Variants in GLCCI1 observed in about 807,000 individuals in gnomAD.
GLCCI1 encodes the protein glucocorticoid-induced transcript 1 protein.
GLCCI1 carries 24 observed loss-of-function variants against 52.2 expected under a neutral mutation model. The observed-to-expected ratio is 0.46, with a 90% CI of 0.33 to 0.65. The LOEUF (loss-of-function observed/expected upper bound fraction) is 0.65. Ranked by LOEUF, GLCCI1 falls within the 30% of genes least tolerant of loss-of-function variation. The pLI is 0.02. For synonymous variants in GLCCI1, 310 were observed against 276.5 expected, an observed-to-expected ratio of 1.12 and a Z score of -1.20; for missense variants, 704 against 701.5, an observed-to-expected ratio of 1.00 and a Z score of -0.04.
chr7:8,070,036 G>C (rs897404080), intron 5 of GLCCI1: 3 of 152,212 alleles, frequency 2.0e-5, no homozygotes, highest in Non-Finnish European at 4.4e-5. Flanking sequence ...TATGGAGTAA[G>C]ATCTATTTTT....
At chr7:7,971,147 T>A (rs1780346177) in intron 1 of GLCCI1, among the ~76,000 whole-genome samples, 1 of 152,144 alleles carries the variant, frequency 6.6e-6, no homozygotes, top group Non-Finnish European at 1.5e-5. Flanking sequence ...AAGAAATACA[T>A]CCTGTAATCT....
At chr7:8,005,321 A>T (rs1781126911) in intron 2 of GLCCI1, among the ~76,000 whole-genome samples, 2 of 152,220 alleles carry the variant, frequency 1.3e-5, no homozygotes, top group Admixed American at 6.5e-5. Context: ...AAGAAGGTCA[A>T]GTGATGGAGG....
At chr7:8,039,354 A>G (rs1006875089) in intron 3 of GLCCI1, among the ~76,000 whole-genome samples, 2 of 152,316 alleles carry the variant, frequency 1.3e-5, no homozygotes, top group South Asian at 2.1e-4. Flanking sequence ...CACGGTAGCA[A>G]AGATAAGGAA....
intron 3 of GLCCI1, among the ~76,000 whole-genome samples, chr7:8,040,590 G>T (rs979809068): frequency 6.6e-6 from 1 of 151,086 alleles, no homozygotes; most frequent in African/African-American, 2.4e-5. Context: ...CGGATTAATT[G>T]CAAGCATTGG....
rs1304489143 is a variant in GLCCI1 at position 7,969,662 on chromosome 7, C to G, written c.312C>G (p.Pro104=). 14 of 1,055,816 alleles carry G rather than the reference C, an allele frequency of 1.3e-5. No individual in the cohort carries two copies. The African/African-American group carries it at 1.9e-4, about 14-fold the overall frequency. 65.4% of individuals were successfully genotyped at this position (1,055,816 alleles called of 1,614,324 possible). A position where few individuals can be genotyped will look rare whatever the true frequency, so the allele number is the denominator to read the frequency against. The change falls in exon 1 of 8, where the codon CCC becomes CCG. Residue 104 remains proline, a synonymous_variant. Transcript: ENST00000223145. The surrounding 1 kb of genome is among the most constrained non-coding windows in gnomAD (Gnocchi z 4.9). ...CGGGGCCCGGCGCGGCCCGCGGCCC[C>G]AGCCCGTCCAGCCCGACGCCGCCGG... ...SLPGPGAARG[P]SPSSPTPPAA... is the part of the protein sequence containing the mutation.
chr7:7,979,606 A>G (rs1343946873), intron 1 of GLCCI1, among the ~76,000 whole-genome samples: 1 of 152,150 alleles, frequency 6.6e-6, no homozygotes, highest in Non-Finnish European at 1.5e-5. Context: ...ATATTATACT[A>G]TAGTTTAGCC....
At position 8,014,141 on chromosome 7, in the gene GLCCI1, C is replaced by T. The variant is rs202166330; in HGVS notation, c.610-8342C>T. On this transcript the variant is annotated intron_variant, in intron 2 of 7. Transcript: ENST00000223145. ...AGTAGCTGGAATTACAGGCGCCCGC[C>T]ACCATGCCCAGCTAATTTTTTAATT... Among the ~76,000 whole-genome samples the T allele has an allele frequency of 2.0e-5, 3 of 152,132 alleles. No individual in the cohort carries two copies. The East Asian group carries it at 5.8e-4, about 29-fold the overall frequency.
intron 1 of GLCCI1, among the ~76,000 whole-genome samples, chr7:7,973,516 G>A (rs1757252882): frequency 6.6e-6 from 1 of 151,564 alleles, no homozygotes; most frequent in Non-Finnish European, 1.5e-5. Flanking sequence ...GAATACTCTG[G>A]ATGGAGAATA....
rs575866293 is a variant in GLCCI1, at chr7:8,014,138, C to T, written c.610-8345C>T. Among the ~76,000 whole-genome samples the T allele has an allele frequency of 6.0e-4, 92 of 152,142 alleles. 1 individual carries two copies. The highest frequency in any genetic ancestry group is 2.0e-3 in the African/African-American group (81 of 41,536). On this transcript the variant is annotated intron_variant, in intron 2 of 7. Transcript: ENST00000223145. The stretch of plus-strand genomic sequence containing the variant: ...CCGAGTAGCTGGAATTACAGGCGCC[C>T]GCCACCATGCCCAGCTAATTTTTTA...
chr7:8,056,520 C>T (rs1201287561), intron 4 of GLCCI1, among the ~76,000 whole-genome samples: 1 of 151,928 alleles, frequency 6.6e-6, no homozygotes, highest in African/African-American at 2.4e-5. Context: ...TTTTATTTTC[C>T]CCTAGAAGTA....
At chr7:8,001,380 G>A (rs1205023125) in intron 1 of GLCCI1, among the ~76,000 whole-genome samples, 1 of 152,030 alleles carries the variant, frequency 6.6e-6, no homozygotes, top group Non-Finnish European at 1.5e-5. Context: ...ACTCTCTTCT[G>A]GCTGCAAATC....
At chr7:7,977,196 A>T (rs1336143189) in intron 1 of GLCCI1, among the ~76,000 whole-genome samples, 1 of 152,228 alleles carries the variant, frequency 6.6e-6, no homozygotes, top group Non-Finnish European at 1.5e-5. Context: ...AAGCACAGTG[A>T]ACAAGACATA....
chr7:7,990,486 T>C (rs926488210), intron 1 of GLCCI1, among the ~76,000 whole-genome samples: 1 of 152,130 alleles, frequency 6.6e-6, no homozygotes, highest in African/African-American at 2.4e-5. Flanking sequence ...TACACTTGTT[T>C]ATGCTGCTGG....
chr7:8,054,469 T>G (rs1782340821), intron 3 of GLCCI1, among the ~76,000 whole-genome samples: 1 of 152,162 alleles, frequency 6.6e-6, no homozygotes, highest in Admixed American at 6.5e-5. Flanking sequence ...TTTATTTTCT[T>G]CTATATTGTT....
At chr7:8,085,394 T>G (rs1009886281) in intron 7 of GLCCI1, among the ~76,000 whole-genome samples, 6 of 152,242 alleles carry the variant, frequency 3.9e-5, no homozygotes, top group African/African-American at 1.4e-4. Flanking sequence ...AAGATTAGTC[T>G]CCTTCCCTGT....
intron 1 of GLCCI1, chr7:7,981,864 G>A: frequency 2.2e-6 from 1 of 451,240 alleles, no homozygotes. Flanking sequence ...AGATGAGCAG[G>A]CAGAAGACTC....
intron 5 of GLCCI1, among the ~76,000 whole-genome samples, chr7:8,068,562 T>A (rs908071456): frequency 6.6e-6 from 1 of 152,230 alleles, no homozygotes; most frequent in African/African-American, 2.4e-5. Flanking sequence ...AATCATTAGA[T>A]TCCTTGGATT....
intron 5 of GLCCI1, among the ~76,000 whole-genome samples, chr7:8,068,849 T>C (rs1782691340): frequency 6.6e-6 from 1 of 152,202 alleles, no homozygotes; most frequent in Non-Finnish European, 1.5e-5. Context: ...TACAAGGTTT[T>C]TATTTGTAGC....
chr7:8,014,682 C>G (rs1781340271), intron 2 of GLCCI1, among the ~76,000 whole-genome samples: 1 of 152,144 alleles, frequency 6.6e-6, no homozygotes, highest in Admixed American at 6.5e-5. Flanking sequence ...AAGTAACTTA[C>G]TTACTAGCCT....
Sources: gnomAD v4.1 joint callset for allele counts (sites outside exome capture counted in the v4.1 genomes callset) on GRCh38, gnomAD v4.1.1 for gene constraint, Gnocchi (gnomAD v3.1) non-coding constraint, MANE v1.5 for transcripts, NCBI Gene and HGNC (gene_info 2026-07-23, HGNC 2026-07-21) for gene names.